ATRNL1: variants seen among roughly 807,000 people sequenced by gnomAD.
ATRNL1 encodes attractin like 1, also known as attractin-like protein 1.
ATRNL1 carries 95 observed loss-of-function variants against 182.7 expected under a neutral mutation model. That is an observed-to-expected ratio of 0.52 (90% CI 0.44 to 0.62). The LOEUF (loss-of-function observed/expected upper bound fraction) is 0.62. Ranked by LOEUF, ATRNL1 falls within the 20% of genes least tolerant of loss-of-function variation. The probability of loss-of-function intolerance (pLI) is 0.00; values close to 1 mark genes in which losing one functional copy is unlikely to be tolerated. For synonymous variants in ATRNL1, 576 were observed against 568.3 expected, an observed-to-expected ratio of 1.01 and a Z score of -0.19; for missense variants, 1,471 against 1,679.5, an observed-to-expected ratio of 0.88 and a Z score of 2.17.
At chr10:115,242,632 AG>A (rs1248075467) in intron 10 of ATRNL1, among the ~76,000 whole-genome samples, 1 of 152,022 alleles carries the variant, frequency 6.6e-6, no homozygotes, top group Non-Finnish European at 1.5e-5. Flanking sequence ...AACCTCATAA[AG>A]GCACATAATC....
At chr10:115,457,709 G>T (rs1230421176) in intron 21 of ATRNL1, among the ~76,000 whole-genome samples, 2 of 151,896 alleles carry the variant, frequency 1.3e-5, no homozygotes, top group Non-Finnish European at 2.9e-5. Flanking sequence ...GCCACCACAT[G>T]TCCCTCCCTG....
intron 28 of ATRNL1, among the ~76,000 whole-genome samples, chr10:115,895,159 AAAAAT>A (rs1952175158): frequency 2.0e-5 from 3 of 152,330 alleles, no homozygotes; most frequent in African/African-American, 7.2e-5. Flanking sequence ...TCTAAAAGTA[AAAAAT>A]AAAATAAAAA....
chr10:115,300,294 C>T (rs957056661), intron 16 of ATRNL1, 47 bp downstream of exon 16: 13 of 1,475,640 alleles, frequency 8.8e-6, no homozygotes, highest in Non-Finnish European at 1.1e-5. Context: ...ATGTTTCCCA[C>T]CCATCTTCTC....
At chr10:115,403,337 A>G (rs567604100) in intron 20 of ATRNL1, among the ~76,000 whole-genome samples, 3 of 146,670 alleles carry the variant, frequency 2.0e-5, no homozygotes, top group Non-Finnish European at 4.4e-5. Context: ...CATTGTTATA[A>G]TAGAGACTAC....
chr10:115,119,496 TAAAA>T (rs1169992504), intron 1 of ATRNL1, among the ~76,000 whole-genome samples: 2 of 151,624 alleles, frequency 1.3e-5, no homozygotes, highest in Non-Finnish European at 2.9e-5. Context: ...GGGCTGGAAG[TAAAA>T]AAAACAAAAT....
In ATRNL1 at chr10:115,658,055, A is replaced by G. The variant is rs562050303; in HGVS notation, c.3796-69193A>G. On this transcript the variant is annotated intron_variant, in intron 26 of 28. Coordinates refer to ENST00000355044, the MANE Select transcript of ATRNL1 (RefSeq NM_207303.4). ...TAACTAATATTACTCATCATATTGT[A>G]TAATTCTCAATTTATACTGTTAGTA... is the stretch of plus-strand genomic sequence containing the variant. Among the ~76,000 whole-genome samples, 11 of 147,598 alleles carry G rather than the reference A, an allele frequency of 7.5e-5. 1 individual carries two copies. In the South Asian group the frequency reaches 1.7e-3, roughly 23 times the overall value.
chr10:115,642,308 C>T (rs1183079093), intron 26 of ATRNL1, among the ~76,000 whole-genome samples: 1 of 152,046 alleles, frequency 6.6e-6, no homozygotes, highest in Non-Finnish European at 1.5e-5. Context: ...AACTACACAA[C>T]ACTGATGAAA....
intron 8 of ATRNL1, among the ~76,000 whole-genome samples, chr10:115,214,041 T>TAC (rs149167399): frequency 0.38 from 55,991 of 147,046 alleles, 11,216 homozygotes; most frequent in Middle Eastern, 0.54. Context: ...TACAAATATG[T>TAC]ACACACACAC....
chr10:115,471,189 A>G (rs1321605087), intron 24 of ATRNL1, among the ~76,000 whole-genome samples: 1 of 150,792 alleles, frequency 6.6e-6, no homozygotes, highest in African/African-American at 2.4e-5. Flanking sequence ...ATAAATATAT[A>G]CATATTATGA....
chr10:115,321,835 G>T (rs184432410), intron 18 of ATRNL1, among the ~76,000 whole-genome samples: 20 of 152,162 alleles, frequency 1.3e-4, no homozygotes, highest in African/African-American at 4.3e-4. Flanking sequence ...GTACCTGTTT[G>T]CAGGTTACAT....
intron 27 of ATRNL1, among the ~76,000 whole-genome samples, chr10:115,765,740 A>G (rs1364344434): frequency 3.9e-5 from 6 of 152,144 alleles, no homozygotes; most frequent in African/African-American, 1.2e-4. Flanking sequence ...GTTTTCTCCT[A>G]TGTTATCTTC....
chr10:115,876,445 C>T lies in ATRNL1; in HGVS notation c.4018+28454C>T, dbSNP rs916023090. On this transcript the variant is annotated intron_variant, in intron 28 of 28. Coordinates refer to ENST00000355044, the MANE Select transcript of ATRNL1 (RefSeq NM_207303.4). ...ATTTTGATAACAACATGAAGATACC[C>T]ACATACCTAGCAAAATGTAGGAACT... Among the ~76,000 whole-genome samples the T allele has an allele frequency of 2.0e-5, 3 of 152,164 alleles. 1 individual carries two copies. The highest frequency in any genetic ancestry group is 4.4e-5 in the Non-Finnish European group (3 of 68,024).
intron 27 of ATRNL1, among the ~76,000 whole-genome samples, chr10:115,756,756 G>A (rs1948600772): frequency 6.6e-6 from 1 of 152,130 alleles, no homozygotes; most frequent in African/African-American, 2.4e-5. Context: ...AATGTTGACA[G>A]TGGGGTGTTA....
rs782356867 is a variant in ATRNL1 at position 115,093,830 on chromosome 10, G to T, written c.80G>T (p.Gly27Val). ...PGVWRARPAG[G>V]GGGGASSWLL... ...GTGTGGAGGGCTCGGCCGGCGGGCG[G>T]CGGCGGCGGGGGCGCCTCCTCCTGG... Residue 27 changes from glycine to valine, a missense_variant, in exon 1 of 29, where the codon GGC (glycine) becomes GTC (valine). Around this residue, in one of 3 missense-constraint regions of ATRNL1, gnomAD observed 1,031 missense variants for 1,156.0 expected, o/e 0.89. Coordinates refer to ENST00000355044, the MANE Select transcript of ATRNL1 (RefSeq NM_207303.4). The surrounding 1 kb of genome is among the most constrained non-coding windows in gnomAD (Gnocchi z 6.1). 43 of 1,513,312 alleles carry T rather than the reference G, an allele frequency of 2.8e-5. No individual in the cohort carries two copies. The highest frequency in any genetic ancestry group is 3.6e-5 in the Non-Finnish European group (41 of 1,134,132). 93.7% of individuals were successfully genotyped at this position (1,513,312 alleles called of 1,614,324 possible). A position where few individuals can be genotyped will look rare whatever the true frequency, so the allele number is the denominator to read the frequency against.
chr10:115,782,105 A>C (rs1006561501), intron 27 of ATRNL1, among the ~76,000 whole-genome samples: 2 of 152,240 alleles, frequency 1.3e-5, no homozygotes, highest in Non-Finnish European at 2.9e-5. Flanking sequence ...CAAATGTCTC[A>C]GTTTAAGTGT....
At position 115,686,757 on chromosome 10, in the gene ATRNL1, T is replaced by G. The variant is rs184499825; in HGVS notation, c.3796-40491T>G. 4.2e-3 allele frequency among the ~76,000 whole-genome samples: 639 copies of G among 152,166 alleles called. 2 individuals carry two copies. Among genetic ancestry groups the G allele is most frequent in the African/African-American group, 9.7e-3 (404 of 41,572 alleles). On this transcript the variant is annotated intron_variant, in intron 26 of 28. Transcript: ENST00000355044. ...TCTTAGGCTTGATATCCAAGTTATC[T>G]TCCATCATTTTGCATTACATCTATT...
At chr10:115,325,872 CT>C (rs1339916558) in intron 18 of ATRNL1, among the ~76,000 whole-genome samples, 2 of 149,844 alleles carry the variant, frequency 1.3e-5, no homozygotes, top group African/African-American at 2.5e-5. Context: ...CTAAATTTAG[CT>C]GTCTTATTCA....
chr10:115,915,281 C>G (rs527312394), intron 28 of ATRNL1, among the ~76,000 whole-genome samples: 1 of 152,124 alleles, frequency 6.6e-6, no homozygotes, highest in East Asian at 1.9e-4. Context: ...GCCTGTAGTC[C>G]CAGCTACTCG....
chr10:115,936,588 T>C (rs1349034521), intron 28 of ATRNL1, among the ~76,000 whole-genome samples: 2 of 152,186 alleles, frequency 1.3e-5, no homozygotes, highest in East Asian at 3.8e-4. Flanking sequence ...TATAATACAT[T>C]ATAGTTTATA....
Sources: gnomAD v4.1 joint callset for allele counts (sites outside exome capture counted in the v4.1 genomes callset) on GRCh38, gnomAD v4.1.1 for gene constraint, gnomAD v4.1.1 regional missense constraint, Gnocchi (gnomAD v3.1) non-coding constraint, MANE v1.5 for transcripts, NCBI Gene and HGNC (gene_info 2026-07-23, HGNC 2026-07-21) for gene names.